LUZP2: variants seen among roughly 807,000 people sequenced by gnomAD.
LUZP2 encodes leucine zipper protein 2.
In LUZP2, 52 loss-of-function variants were observed where a neutral mutation model predicts 51.6. The ratio of observed to expected loss-of-function variants is 1.01; its 90% CI spans 0.81 to 1.27. The LOEUF (loss-of-function observed/expected upper bound fraction) is 1.27. Ranked by LOEUF, LUZP2 falls within the 50% of genes most tolerant of loss-of-function variation. The pLI is 0.00. For synonymous variants in LUZP2, 154 were observed against 137.3 expected (o/e 1.12, Z -0.85); for missense variants, 436 against 395.4 (o/e 1.10, Z -0.87).
chr11:25,030,851 G>A (rs1230977029), intron 9 of LUZP2, among the ~76,000 whole-genome samples: 1 of 129,830 alleles, frequency 7.7e-6, no homozygotes. Flanking sequence ...CAATTTGTAT[G>A]TGTAGCGTGT....
chr11:24,945,817 A>G (rs1236750346), intron 7 of LUZP2, among the ~76,000 whole-genome samples: 1 of 152,012 alleles, frequency 6.6e-6, no homozygotes, highest in East Asian at 1.9e-4. Flanking sequence ...TTTTATTGAG[A>G]TATACTTATA....
At chr11:24,757,535 C>T (rs1859819937) in intron 4 of LUZP2, among the ~76,000 whole-genome samples, 1 of 151,848 alleles carries the variant, frequency 6.6e-6, no homozygotes, top group South Asian at 2.1e-4. Flanking sequence ...AGATAGATGA[C>T]ATTAATTCAA....
intron 9 of LUZP2, among the ~76,000 whole-genome samples, chr11:25,041,304 A>G (rs1245271042): frequency 2.0e-5 from 3 of 152,144 alleles, no homozygotes; most frequent in Admixed American, 6.5e-5. Context: ...TTAATAATAA[A>G]ATAGAACAAT....
intron 6 of LUZP2, among the ~76,000 whole-genome samples, chr11:24,911,465 C>A (rs1853632487): frequency 6.6e-6 from 1 of 152,050 alleles, no homozygotes; most frequent in Admixed American, 6.6e-5. Flanking sequence ...GCAGTTTCTC[C>A]CATGCTGTTC....
chr11:24,714,342 TTTTC>T lies in LUZP2; in HGVS notation c.63-14821_63-14818del, dbSNP rs145487355. Among the ~76,000 whole-genome samples, 1,040 of 152,252 alleles carry T rather than the reference TTTTC, an allele frequency of 6.8e-3. 18 individuals are homozygous for T. Among genetic ancestry groups the T allele is most frequent in the African/African-American group, 0.024 (987 of 41,550 alleles). ...AAAGGAAAACAAAAAGAAAATATGC[TTTTC>T]TTTCTATTTGAAGAAATATATAATT... On this transcript the variant is annotated intron_variant, in intron 1 of 11. Transcript: ENST00000336930.
In LUZP2 at chr11:25,081,954, T is replaced by G. The variant is rs1301278113; in HGVS notation, c.*3296T>G. On this transcript the variant is annotated 3_prime_UTR_variant, in exon 12 of 12. Transcript: ENST00000336930. ...ATCAATGCTATGTATTTGATGTATA[T>G]GTTTCTAAATTAGAAATTTCTTTTG... 6.6e-6 allele frequency: 1 copy of G among 152,206 alleles called. No individual in the cohort carries two copies. The highest frequency in any genetic ancestry group is 1.9e-4 in the East Asian group (1 of 5,198). 9.4% of individuals were successfully genotyped at this position (152,206 alleles called of 1,614,324 possible).
intron 1 of LUZP2, among the ~76,000 whole-genome samples, chr11:24,557,057 C>T (rs1851890560): frequency 6.6e-6 from 1 of 152,060 alleles, no homozygotes; most frequent in South Asian, 2.1e-4. Flanking sequence ...CTCAGAAAGC[C>T]TTCTCTCATG....
intron 10 of LUZP2, among the ~76,000 whole-genome samples, chr11:25,057,425 T>C (rs547723813): frequency 1.4e-4 from 21 of 152,206 alleles, no homozygotes; most frequent in South Asian, 1.0e-3. Context: ...TAGCAGCATA[T>C]TCGACTATCA....
chr11:24,829,533 C>A (rs1249845784), intron 5 of LUZP2, among the ~76,000 whole-genome samples: 1 of 152,068 alleles, frequency 6.6e-6, no homozygotes, highest in Non-Finnish European at 1.5e-5. Flanking sequence ...TGTATATACC[C>A]ATATATACAT....
chr11:24,544,074 C>T (rs151309547), intron 1 of LUZP2, among the ~76,000 whole-genome samples: 197 of 151,978 alleles, frequency 1.3e-3, no homozygotes, highest in Admixed American at 2.6e-3. Flanking sequence ...TGGCTGGGCT[C>T]ATGCCTTTAA....
At chr11:24,714,195 G>A (rs565211237) in intron 1 of LUZP2, among the ~76,000 whole-genome samples, 8 of 151,994 alleles carry the variant, frequency 5.3e-5, no homozygotes, top group East Asian at 1.9e-4. Flanking sequence ...TAATGCATGC[G>A]GGGCTTAAAA....
intron 1 of LUZP2, among the ~76,000 whole-genome samples, chr11:24,720,161 T>C (rs890849850): frequency 6.6e-6 from 1 of 152,202 alleles, no homozygotes; most frequent in African/African-American, 2.4e-5. Flanking sequence ...ACAAAGGATT[T>C]GCAGGCCATA....
chr11:24,803,944 A>G (rs556995869), intron 5 of LUZP2, among the ~76,000 whole-genome samples: 22 of 150,040 alleles, frequency 1.5e-4, no homozygotes, highest in Admixed American at 4.7e-4. Context: ...AACATAGGAG[A>G]TTAGAATAAA....
At chr11:24,930,152 T>C (rs1471938769) in intron 7 of LUZP2, among the ~76,000 whole-genome samples, 2 of 152,170 alleles carry the variant, frequency 1.3e-5, no homozygotes, top group Non-Finnish European at 2.9e-5. Flanking sequence ...TTGAAGATAG[T>C]AGATACTTGG....
intron 1 of LUZP2, among the ~76,000 whole-genome samples, chr11:24,582,320 T>C (rs2133824027): frequency 6.8e-6 from 1 of 147,282 alleles, no homozygotes; most frequent in African/African-American, 2.5e-5. Flanking sequence ...TTTTTTTTTT[T>C]TTTTTGCTGA....
intron 1 of LUZP2, among the ~76,000 whole-genome samples, chr11:24,552,345 A>G (rs1851746833): frequency 6.6e-6 from 1 of 152,046 alleles, no homozygotes; most frequent in South Asian, 2.1e-4. Flanking sequence ...AAAATTAAGA[A>G]TAGAGGAACA....
chr11:24,604,571 G>A (rs57917448), intron 1 of LUZP2, among the ~76,000 whole-genome samples: 398 of 151,908 alleles, frequency 2.6e-3, no homozygotes, highest in African/African-American at 9.2e-3. Context: ...AAAAAACGGT[G>A]GCATAGACTA....
intron 9 of LUZP2, among the ~76,000 whole-genome samples, chr11:24,990,586 G>C (rs186313832): frequency 6.6e-6 from 1 of 152,044 alleles, no homozygotes; most frequent in African/African-American, 2.4e-5. Flanking sequence ...GGGATTCCTT[G>C]GTTAATCCTA....
At chr11:24,689,552 T>G (rs1031898871) in intron 1 of LUZP2, among the ~76,000 whole-genome samples, 7 of 152,068 alleles carry the variant, frequency 4.6e-5, no homozygotes, top group African/African-American at 1.7e-4. Flanking sequence ...CAATTTCTAT[T>G]TTAGAGAGCC....
Sources: gnomAD v4.1 joint callset for allele counts (sites outside exome capture counted in the v4.1 genomes callset) on GRCh38, gnomAD v4.1.1 for gene constraint, MANE v1.5 for transcripts, NCBI Gene and HGNC (gene_info 2026-07-23, HGNC 2026-07-21) for gene names.